Variants in CHRNB1 observed in about 807,000 individuals in gnomAD.
The protein encoded by CHRNB1 is cholinergic receptor nicotinic beta 1 subunit, also known as acetylcholine receptor subunit beta.
A neutral mutation model predicts 53.8 loss-of-function variants in CHRNB1; 47 were observed. The observed-to-expected ratio is 0.87, with a 90% CI of 0.69 to 1.11. The LOEUF is 1.11. Among genes scored for constraint, CHRNB1 ranks in the 50% most tolerant of loss-of-function variants. CHRNB1 has a pLI of 0.00. For missense variants in CHRNB1, 605 were observed against 654.9 expected (o/e 0.92, Z 0.83); for synonymous variants, 259 against 263.5 (o/e 0.98, Z 0.16).
rs770263810 is a variant in CHRNB1 at position 7,456,737 on chromosome 17, G to T, written c.*14G>T. The stretch of plus-strand genomic sequence containing the variant: ...CCCTTTCCTTGAAGACTGGAGGGTT[G>T]AGACCCAGGCCCCCTGCCAGTTGAA... On this transcript the variant is annotated 3_prime_UTR_variant, in exon 11 of 11. Transcript: ENST00000306071. 6.2e-7 allele frequency: 1 copy of T among 1,614,056 alleles called. No individual in the cohort carries two copies. Among genetic ancestry groups the T allele is most frequent in the African/African-American group, 1.3e-5 (1 of 74,924 alleles).
chr17:7,447,729 TG>T, intron 6 of CHRNB1, 79 bp downstream of exon 6: 1 of 1,548,370 alleles, frequency 6.5e-7, no homozygotes, highest in East Asian at 2.2e-5. Context: ...CTGTCAGTGA[TG>T]CCCAATATAG....
At chr17:7,446,803 G>A (rs1417207444) in intron 3 of CHRNB1, 30 bp from the exon 4 acceptor site, 5 of 1,582,852 alleles carry the variant, frequency 3.2e-6, no homozygotes, top group Non-Finnish European at 4.3e-6. Context: ...CCTCCAACCC[G>A]GGGCAGCCCC....
chr17:7,453,540 G>A (rs527872898), intron 7 of CHRNB1, among the ~76,000 whole-genome samples: 1 of 149,104 alleles, frequency 6.7e-6, no homozygotes, highest in African/African-American at 2.5e-5. Context: ...ACATACAAAT[G>A]TAGGAATGAT....
At chr17:7,454,555 CT>C (rs1160203303) in intron 8 of CHRNB1, 35 bp downstream of exon 8, 1 of 1,540,490 alleles carries the variant, frequency 6.5e-7, no homozygotes, top group Non-Finnish European at 9.0e-7. Context: ...CCCAATTTTC[CT>C]TTTACAGACC....
intron 3 of CHRNB1, chr17:7,446,589 A>G: frequency 1.7e-6 from 1 of 579,926 alleles, no homozygotes; most frequent in Non-Finnish European, 3.1e-6. Context: ...TTTAGAGGCT[A>G]GCTACTGCAG....
In CHRNB1 at chr17:7,447,027, G is replaced by A. The variant is rs1908666154; in HGVS notation, c.354-16G>A. The A allele has an allele frequency of 1.2e-6, 2 of 1,612,696 alleles. No homozygotes were observed. Among genetic ancestry groups the A allele is most frequent in the Non-Finnish European group, 8.5e-7 (1 of 1,178,766 alleles). On this transcript the variant is annotated splice_polypyrimidine_tract_variant and intron_variant, in intron 4 of 10. Coordinates refer to ENST00000306071, the MANE Select transcript of CHRNB1 (RefSeq NM_000747.3). Reference sequence around the variant, plus strand: ...GGGCGCGGGGCCTGATCCCTGATGAGATCCCTTCTCTGCAGCAATGATGGG... The same window carrying A: ...GGGCGCGGGGCCTGATCCCTGATGAAATCCCTTCTCTGCAGCAATGATGGG...
rs751045224 is a variant in CHRNB1, at chr17:7,448,722, G to A, written c.754G>A (p.Val252Ile). 7.7e-5 allele frequency: 124 copies of A among 1,614,084 alleles called. No homozygotes were observed. Among genetic ancestry groups the A allele is most frequent in the Middle Eastern group, 3.3e-4 (2 of 6,084 alleles). The change falls in exon 7 of 11, where the codon GTC becomes ATC. Residue 252 changes from valine (V) to isoleucine (I), a missense_variant. By Grantham distance (29) the Val-to-Ile change is conservative. Coordinates refer to ENST00000306071, the MANE Select transcript of CHRNB1 (RefSeq NM_000747.3). ...CAAGCCTCTCTTCTACCTGGTCAACGTCATTGCCCCATGCATCCTCATCAC... is the reference window on the plus strand; with the variant it reads ...CAAGCCTCTCTTCTACCTGGTCAACATCATTGCCCCATGCATCCTCATCAC... ...RRKPLFYLVN[V>I]IAPCILITLL...
chr17:7,456,003 C>T, intron 10 of CHRNB1, 62 bp downstream of exon 10: 5 of 1,496,580 alleles, frequency 3.3e-6, no homozygotes, highest in Non-Finnish European at 4.6e-6. Flanking sequence ...CCCCCAAATT[C>T]CGCACCAGCA....
intron 9 of CHRNB1, 159 bp from the exon 10 acceptor site, chr17:7,455,635 A>G: frequency 8.1e-7 from 1 of 1,227,728 alleles, no homozygotes; most frequent in Non-Finnish European, 1.2e-6. Flanking sequence ...GCGGTGGAAG[A>G]AGTTGCACAA....
chr17:7,452,946 C>A (rs778267281), intron 7 of CHRNB1, among the ~76,000 whole-genome samples: 5 of 152,194 alleles, frequency 3.3e-5, no homozygotes, highest in Non-Finnish European at 7.3e-5. Flanking sequence ...ACTGCTTGAA[C>A]CCAAGAGGCA....
In CHRNB1 at chr17:7,454,316, A is replaced by C. The variant is rs753695361; in HGVS notation, c.840A>C (p.Ser280=). The change falls in exon 8 of 11, where the codon TCA becomes TCC. Residue 280 remains serine, a synonymous_variant. Transcript: ENST00000306071. ...TCCAAGGAGAGAAGATGGGGCTCTC[A>C]ATCTTTGCCCTGCTGACCCTTACTG... ...PPDAGEKMGL[S]IFALLTLTVF... is the part of the protein sequence containing the mutation. The C allele has an allele frequency of 1.9e-6, 3 of 1,614,072 alleles. No individual in the cohort carries two copies. Among genetic ancestry groups the C allele is most frequent in the South Asian group, 1.1e-5 (1 of 91,072 alleles).
chr17:7,456,608 C>G lies in CHRNB1; in HGVS notation c.1391C>G (p.Ala464Gly), dbSNP rs2069954200. 6.2e-7 allele frequency: 1 copy of G among 1,613,998 alleles called. No individual in the cohort carries two copies. Among genetic ancestry groups the G allele is most frequent in the African/African-American group, 1.3e-5 (1 of 74,870 alleles). ...DALKEDWQFV[A>G]MVVDRLFLWT... is the part of the protein sequence containing the mutation. ...CTGAAGGAGGACTGGCAGTTTGTGG[C>G]CATGGTAGTGGACCGCCTCTTCCTG... Residue 464 changes from alanine to glycine, a missense_variant, in exon 11 of 11, where the codon GCC becomes GGC. Transcript: ENST00000306071.
rs202089107 is a variant in CHRNB1 at position 7,454,262 on chromosome 17, G to A, written c.821-35G>A. On this transcript the variant is annotated intron_variant, in intron 7 of 10. Transcript: ENST00000306071. ...TGCCATAGAGCTTTCCTTCAGGCAA[G>A]TCTAATCCTTCTCTCTTCCCCTCTG... 9 of 1,553,244 alleles carry A rather than the reference G, an allele frequency of 5.8e-6. No individual in the cohort carries two copies. In the East Asian group the frequency reaches 2.0e-4, roughly 35 times the overall value.
chr17:7,449,072 C>T (rs1025311541), intron 7 of CHRNB1, among the ~76,000 whole-genome samples: 6 of 151,770 alleles, frequency 4.0e-5, no homozygotes, highest in Non-Finnish European at 5.9e-5. Flanking sequence ...CCAACATTCC[C>T]TGCCCACTTT....
intron 4 of CHRNB1, 46 bp from the exon 5 acceptor site, chr17:7,446,997 C>G: frequency 1.2e-6 from 2 of 1,605,352 alleles, no homozygotes; most frequent in Non-Finnish European, 1.7e-6. Flanking sequence ...GGGCGGGGGG[C>G]CTCCGGGCGC....
At chr17:7,452,080 C>T (rs1234769512) in intron 7 of CHRNB1, among the ~76,000 whole-genome samples, 1 of 141,804 alleles carries the variant, frequency 7.1e-6, no homozygotes, top group African/African-American at 2.7e-5. Flanking sequence ...TTTTTAGATA[C>T]AGTCCCTGTC....
intron 3 of CHRNB1, chr17:7,446,519 G>A (rs1320993482): frequency 1.3e-5 from 7 of 528,566 alleles, no homozygotes; most frequent in Non-Finnish European, 2.4e-5. Flanking sequence ...ACACTGGTTT[G>A]GGGCCGCTAA....
Position 7,455,590 on chromosome 17 carries a change from G to T in CHRNB1, c.1217+134G>T, listed in dbSNP as rs2069941427. ...TCATGGGAGTTGTAGTACTCCTGCT[G>T]CTCACTTTGAGGGGAGGTGGGAACT... On this transcript the variant is annotated intron_variant, in intron 9 of 10. Transcript: ENST00000306071. 3.9e-6 allele frequency: 5 copies of T among 1,279,574 alleles called. No homozygotes were observed. The African/African-American group carries it at 7.3e-5, about 19-fold the overall frequency. 79.3% of individuals were successfully genotyped at this position (1,279,574 alleles called of 1,614,324 possible).
At position 7,451,932 on chromosome 17, in the gene CHRNB1, C is replaced by CT. The variant is rs571813972; in HGVS notation, c.821-2364dup. Among the ~76,000 whole-genome samples the CT allele has an allele frequency of 2.0e-5, 3 of 152,324 alleles. No homozygotes were observed. The South Asian group carries it at 6.2e-4, about 32-fold the overall frequency. On this transcript the variant is annotated intron_variant, in intron 7 of 10. Coordinates refer to ENST00000306071, the MANE Select transcript of CHRNB1 (RefSeq NM_000747.3). The stretch of plus-strand genomic sequence containing the variant: ...CCGCCGCCACCCACACCAGGCTGTC[C>CT]TAGAGGGCCACCCCAGCCCTGGAAG...
Sources: allele counts gnomAD v4.1 joint callset (sites outside exome capture counted in the v4.1 genomes callset), GRCh38; gene constraint gnomAD v4.1.1; transcripts MANE v1.5; gene names NCBI Gene and HGNC (gene_info 2026-07-23, HGNC 2026-07-21).